Variants in SPIRE1 observed in about 807,000 individuals in gnomAD.
SPIRE1 encodes protein spire homolog 1.
A neutral mutation model predicts 94.1 loss-of-function variants in SPIRE1; 40 were observed. That is an observed-to-expected ratio of 0.43 (90% confidence interval 0.33 to 0.55). The LOEUF (loss-of-function observed/expected upper bound fraction) is 0.55. Ranked by LOEUF, SPIRE1 falls within the 20% of genes least tolerant of loss-of-function variation. SPIRE1 has a pLI of 0.06. For synonymous variants in SPIRE1, 376 were observed against 371.7 expected, an observed-to-expected ratio of 1.01 and a Z score of -0.13; for missense variants, 838 against 975.2, an observed-to-expected ratio of 0.86 and a Z score of 1.87.
At chr18:12,541,490 G>C (rs1357546936) in intron 3 of SPIRE1, among the ~76,000 whole-genome samples, 1 of 152,100 alleles carries the variant, frequency 6.6e-6, no homozygotes, top group Non-Finnish European at 1.5e-5. Flanking sequence ...ACTGTTACAG[G>C]CTATGTTACT....
intron 4 of SPIRE1, among the ~76,000 whole-genome samples, chr18:12,522,159 C>CTACTT (rs1236040148): frequency 6.6e-6 from 1 of 152,152 alleles, no homozygotes; most frequent in Admixed American, 6.6e-5. Context: ...GTTGTGAATG[C>CTACTT]AAAGGACAAG....
chr18:12,449,586 C>T lies in SPIRE1; in HGVS notation c.*52G>A, dbSNP rs2031117635. On this transcript the variant is annotated 3_prime_UTR_variant, in exon 17 of 17. Transcript: ENST00000409402. ...AGGAGAGCCAGCCCGGCTCAGTGTC[C>T]TCGCGCACGGACGCTGACTCGTAGC... 1 of 1,574,090 alleles carries T rather than the reference C, an allele frequency of 6.4e-7. No homozygotes were observed. The highest frequency in any genetic ancestry group is 8.6e-7 in the Non-Finnish European group (1 of 1,158,522).
chr18:12,647,228 C>T (rs1024876786), intron 1 of SPIRE1, among the ~76,000 whole-genome samples: 1 of 152,138 alleles, frequency 6.6e-6, no homozygotes, highest in Non-Finnish European at 1.5e-5. Flanking sequence ...GATACAATCA[C>T]TTTGGAAAAT....
intron 8 of SPIRE1, among the ~76,000 whole-genome samples, chr18:12,486,880 T>C (rs2033059117): frequency 6.6e-6 from 1 of 152,122 alleles, no homozygotes; most frequent in Non-Finnish European, 1.5e-5. Context: ...TGAAATGGAG[T>C]CTCGCTCTGT....
At chr18:12,552,292 T>C (rs2035373831) in intron 2 of SPIRE1, among the ~76,000 whole-genome samples, 1 of 152,158 alleles carries the variant, frequency 6.6e-6, no homozygotes, top group African/African-American at 2.4e-5. Context: ...GTACATGACC[T>C]ACTGAGACAC....
At chr18:12,520,590 A>ACAG (rs765999819) in intron 4 of SPIRE1, among the ~76,000 whole-genome samples, 1 of 152,200 alleles carries the variant, frequency 6.6e-6, no homozygotes, top group Non-Finnish European at 1.5e-5. Flanking sequence ...AAAAAGACAG[A>ACAG]CAGCAGCAAG....
At chr18:12,662,069 A>G (rs2038702481), upstream of SPIRE1, 1 of 383,604 alleles carries the variant, frequency 2.6e-6, no homozygotes, top group Admixed American at 3.6e-5. Context: ...CTCTGGAGGT[A>G]CTGGCTGTGC....
rs373500671 is a variant in SPIRE1 at position 12,471,894 on chromosome 18, C to T, written c.1405-6936G>A. Among the ~76,000 whole-genome samples the T allele has an allele frequency of 7.2e-5, 11 of 152,222 alleles. No homozygotes were observed. The East Asian group carries it at 1.7e-3, about 24-fold the overall frequency. On this transcript the variant is annotated intron_variant, in intron 10 of 16. Coordinates refer to ENST00000409402, the MANE Select transcript of SPIRE1 (RefSeq NM_001128626.2). ...CCGCCTCTGGAGTTCAAGTGATTCC[C>T]ATGCCTCAGCCTCCCGAGTAGCTGG...
At chr18:12,583,744 G>A (rs2036318703) in intron 2 of SPIRE1, among the ~76,000 whole-genome samples, 1 of 152,012 alleles carries the variant, frequency 6.6e-6, no homozygotes, top group Non-Finnish European at 1.5e-5. Flanking sequence ...GAGCAAAATG[G>A]CAAAATCCCA....
At chr18:12,463,271 T>G in intron 12 of SPIRE1, 80 bp downstream of exon 12, 1 of 1,372,690 alleles carries the variant, frequency 7.3e-7, no homozygotes, top group Admixed American at 2.4e-5. Flanking sequence ...TTTTTCTCCT[T>G]ATCATCTTCA....
chr18:12,614,225 C>T (rs934379400), intron 2 of SPIRE1, among the ~76,000 whole-genome samples: 1 of 152,180 alleles, frequency 6.6e-6, no homozygotes, highest in Non-Finnish European at 1.5e-5. Context: ...CGTACTATTG[C>T]ACTCTAGCCT....
chr18:12,475,066 C>T (rs771758372), intron 10 of SPIRE1, among the ~76,000 whole-genome samples: 21 of 152,286 alleles, frequency 1.4e-4, no homozygotes, highest in South Asian at 8.3e-4. Flanking sequence ...AGATGCCAGA[C>T]ATGCAGTAAG....
At chr18:12,453,420 G>A (rs1025525281) in intron 13 of SPIRE1, among the ~76,000 whole-genome samples, 6 of 145,102 alleles carry the variant, frequency 4.1e-5, no homozygotes, top group Admixed American at 7.2e-5. Context: ...ACCCTCCTCT[G>A]TTTCTCAGAT....
chr18:12,629,457 G>A (rs998320779), intron 2 of SPIRE1, among the ~76,000 whole-genome samples: 4 of 152,182 alleles, frequency 2.6e-5, no homozygotes, highest in Non-Finnish European at 5.9e-5. Context: ...TGACAGGCAA[G>A]CGCCTACGAG....
chr18:12,658,439 T>C, upstream of SPIRE1: 1 of 406,374 alleles, frequency 2.5e-6, no homozygotes, highest in Non-Finnish European at 5.1e-6. Flanking sequence ...GGGCGCGCGG[T>C]CGGGGGGCGC....
intron 2 of SPIRE1, among the ~76,000 whole-genome samples, chr18:12,576,890 C>CAAAAA (rs398032016): frequency 5.6e-5 from 5 of 89,944 alleles, no homozygotes; most frequent in African/African-American, 9.6e-5. Flanking sequence ...CTCTGTTTCA[C>CAAAAA]AAAAAAAAAA....
At chr18:12,599,007 C>T (rs2036757782) in intron 2 of SPIRE1, among the ~76,000 whole-genome samples, 1 of 152,158 alleles carries the variant, frequency 6.6e-6, no homozygotes, top group Non-Finnish European at 1.5e-5. Context: ...CAATGTTTTA[C>T]CCCATTTGCT....
chr18:12,476,558 A>T (rs1211365235), intron 10 of SPIRE1, among the ~76,000 whole-genome samples: 109 of 83,316 alleles, frequency 1.3e-3, no homozygotes, highest in African/African-American at 7.2e-3. Flanking sequence ...AAAAAAAAAA[A>T]AAAAAAATAT....
intron 6 of SPIRE1, among the ~76,000 whole-genome samples, chr18:12,505,487 G>C (rs1008238068): frequency 6.6e-6 from 1 of 151,820 alleles, no homozygotes; most frequent in East Asian, 1.9e-4. Context: ...GGGAAGTCGA[G>C]GCTACAGTAG....
Sources: gnomAD v4.1 joint callset for allele counts (sites outside exome capture counted in the v4.1 genomes callset) on GRCh38, gnomAD v4.1.1 for gene constraint, MANE v1.5 for transcripts, NCBI Gene and HGNC (gene_info 2026-07-23, HGNC 2026-07-21) for gene names.